The following TMOD1 variants were observed in gnomAD, a reference collection of about 807,000 sequenced individuals.
TMOD1 encodes tropomodulin 1.
TMOD1 carries 17 observed loss-of-function variants against 40.6 expected under a neutral mutation model. The observed-to-expected ratio is 0.42, with a 90% confidence interval of 0.29 to 0.63. The LOEUF (loss-of-function observed/expected upper bound fraction) is 0.63, where lower values mean the gene tolerates loss of function less well. TMOD1 is among the 20% of genes least tolerant of loss of function. The pLI is 0.22. For synonymous variants in TMOD1, 181 were observed against 175.0 expected, an observed-to-expected ratio of 1.03 and a Z score of -0.27; for missense variants, 391 against 447.6, an observed-to-expected ratio of 0.87 and a Z score of 1.14.
At chr9:97,563,614 C>A (rs747241147) in intron 5 of TMOD1, among the ~76,000 whole-genome samples, 1 of 152,140 alleles carries the variant, frequency 6.6e-6, no homozygotes, top group African/African-American at 2.4e-5. Context: ...TGTTCCAAAG[C>A]TGGCATTTTG....
At chr9:97,567,798 C>T (rs1437806329) in intron 7 of TMOD1, among the ~76,000 whole-genome samples, 2 of 152,072 alleles carry the variant, frequency 1.3e-5, no homozygotes, top group Non-Finnish European at 2.9e-5. Flanking sequence ...GCGATGATTT[C>T]AAAACAGAGG....
At chr9:97,530,470 G>A (rs530987237) in intron 2 of TMOD1, among the ~76,000 whole-genome samples, 4 of 151,114 alleles carry the variant, frequency 2.6e-5, no homozygotes, top group African/African-American at 2.4e-5. Context: ...TAATAATAAC[G>A]ATGATTTTCT....
chr9:97,562,548 G>T (rs1205310036), intron 4 of TMOD1, among the ~76,000 whole-genome samples, 184 bp from the exon 5 acceptor site: 1 of 152,212 alleles, frequency 6.6e-6, no homozygotes, highest in East Asian at 1.9e-4. Flanking sequence ...CCTGGGCTGG[G>T]GCTGGGGATT....
In TMOD1 at chr9:97,591,314, G is replaced by A. The variant is rs765274737; in HGVS notation, c.894G>A (p.Val298=). 1.8e-5 allele frequency: 29 copies of A among 1,613,928 alleles called. No individual in the cohort carries two copies. The highest frequency in any genetic ancestry group is 1.3e-5 in the African/African-American group (1 of 74,876). The change falls in exon 9 of 10, where the codon GTG becomes GTA. Residue 298 remains valine (V), a synonymous_variant. Coordinates refer to ENST00000259365, the MANE Select transcript of TMOD1 (RefSeq NM_003275.4). ...AGAGCCAGCCCCTGGGCAACAAAGT[G>A]GAAATGGAGATTGTGAGCATGTTGG... ...DNQSQPLGNK[V]EMEIVSMLEK...
chr9:97,596,165 C>T (rs1331732429), intron 9 of TMOD1, among the ~76,000 whole-genome samples: 1 of 152,142 alleles, frequency 6.6e-6, no homozygotes, highest in Non-Finnish European at 1.5e-5. Flanking sequence ...CTGCCTCCAC[C>T]CCAGCCAGCC....
In TMOD1 at chr9:97,557,783, G is replaced by C. The variant is rs766714931; in HGVS notation, c.397+4383G>C. 6.6e-5 allele frequency among the ~76,000 whole-genome samples: 10 copies of C among 152,098 alleles called. No homozygotes were observed. The highest frequency in any genetic ancestry group is 1.3e-4 in the Non-Finnish European group (9 of 68,032). ...TGGAATTACCAAATGAGTGAACTCT[G>C]CCAAGGCAGGGAGAGGAAACAGAAC... On this transcript the variant is annotated intron_variant, in intron 4 of 9. Coordinates refer to ENST00000259365, the MANE Select transcript of TMOD1 (RefSeq NM_003275.4). This position sits in a 1 kb window ranked among gnomAD's most constrained non-coding sequence, Gnocchi z 4.4.
intron 8 of TMOD1, among the ~76,000 whole-genome samples, chr9:97,579,006 G>A (rs1374459141): frequency 6.6e-6 from 1 of 152,146 alleles, no homozygotes; most frequent in Non-Finnish European, 1.5e-5. Flanking sequence ...GGCCAAAACG[G>A]CCAGATTCCA....
intron 2 of TMOD1, among the ~76,000 whole-genome samples, chr9:97,527,062 T>G (rs1448725983): frequency 6.6e-6 from 1 of 152,050 alleles, no homozygotes; most frequent in Non-Finnish European, 1.5e-5. Flanking sequence ...TGATCAAAAG[T>G]CGGCATTGGT....
At chr9:97,562,652 C>A in intron 4 of TMOD1, 80 bp from the exon 5 acceptor site, 1 of 1,012,984 alleles carries the variant, frequency 9.9e-7, no homozygotes. Context: ...AGCCAGAGTT[C>A]CCGGGGTTTG....
intron 2 of TMOD1, among the ~76,000 whole-genome samples, chr9:97,534,740 G>A (rs776475251): frequency 6.6e-6 from 1 of 152,212 alleles, no homozygotes; most frequent in African/African-American, 2.4e-5. Flanking sequence ...AGTATCCTTA[G>A]GGAGAGAGAT....
intron 8 of TMOD1, among the ~76,000 whole-genome samples, chr9:97,574,643 C>G (rs1830891994): frequency 6.6e-6 from 1 of 152,276 alleles, no homozygotes; most frequent in South Asian, 2.1e-4. Context: ...GCTCCTGAGT[C>G]TGGTGGGGAC....
intron 8 of TMOD1, among the ~76,000 whole-genome samples, chr9:97,587,905 C>T (rs561940746): frequency 2.0e-5 from 3 of 152,210 alleles, no homozygotes; most frequent in East Asian, 3.9e-4. Context: ...CAGGGTCATT[C>T]GTGTTGTATA....
rs1200111740 is a variant in TMOD1 at position 97,546,333 on chromosome 9, A to G, written c.269A>G (p.Glu90Gly). ...DREDLVPYTG[E>G]KRGKVWVPKQ... ...GAAGATCTGGTCCCCTACACAGGGG[A>G]AAAACGAGGTACTGAACAATGTTAC... The change falls in exon 3 of 10, where the codon GAA becomes GGA. Residue 90 changes from glutamate to glycine, a missense_variant. By Grantham distance (98) the Glu-to-Gly change is moderately conservative (BLOSUM62 -2). Transcript: ENST00000259365. The G allele has an allele frequency of 1.2e-6, 2 of 1,613,310 alleles. No homozygotes were observed. Among genetic ancestry groups the G allele is most frequent in the Non-Finnish European group, 1.7e-6 (2 of 1,179,692 alleles).
intron 8 of TMOD1, among the ~76,000 whole-genome samples, chr9:97,574,410 C>T (rs1272768563): frequency 2.6e-5 from 4 of 152,242 alleles, no homozygotes; most frequent in Non-Finnish European, 4.4e-5. Context: ...AGCTGCCTCC[C>T]CACGGGGCAG....
At chr9:97,542,806 C>T (rs921980666) in intron 2 of TMOD1, among the ~76,000 whole-genome samples, 2 of 146,720 alleles carry the variant, frequency 1.4e-5, no homozygotes, top group Admixed American at 6.9e-5. Context: ...GCCGAGATCA[C>T]GCCACTGCAC....
chr9:97,543,688 T>G (rs982130812), intron 2 of TMOD1, among the ~76,000 whole-genome samples: 1 of 152,178 alleles, frequency 6.6e-6, no homozygotes, highest in African/African-American at 2.4e-5. Context: ...AGACTTTGGA[T>G]TATTCATTAT....
At chr9:97,514,487 C>T (rs1000593891) in intron 1 of TMOD1, among the ~76,000 whole-genome samples, 3 of 152,148 alleles carry the variant, frequency 2.0e-5, no homozygotes, top group Non-Finnish European at 4.4e-5. Context: ...TGTGCCAGGG[C>T]TCAGAACCTC....
chr9:97,546,414 T>C, intron 3 of TMOD1, 73 bp downstream of exon 3: 3 of 1,497,628 alleles, frequency 2.0e-6, no homozygotes, highest in Non-Finnish European at 2.7e-6. Flanking sequence ...TGCCAGGCCC[T>C]GCCAGGCCCT....
intron 9 of TMOD1, among the ~76,000 whole-genome samples, chr9:97,598,621 C>G (rs958074174): frequency 2.6e-5 from 4 of 152,180 alleles, no homozygotes; most frequent in African/African-American, 9.7e-5. Context: ...ACATCTACCC[C>G]CAAGAAGTTG....
Sources: allele counts gnomAD v4.1 joint callset (sites outside exome capture counted in the v4.1 genomes callset), GRCh38; gene constraint gnomAD v4.1.1; non-coding constraint Gnocchi (gnomAD v3.1); transcripts MANE v1.5; gene names NCBI Gene and HGNC (gene_info 2026-07-23, HGNC 2026-07-21).